The following MAMDC2 variants were observed in gnomAD, a reference collection of about 807,000 sequenced individuals.
The protein encoded by MAMDC2 is MAM domain-containing protein 2.
A neutral mutation model predicts 89.8 loss-of-function variants in MAMDC2; 57 were observed. The observed-to-expected ratio is 0.63, with a 90% CI of 0.51 to 0.79. The LOEUF (loss-of-function observed/expected upper bound fraction) is 0.79, where lower values mean the gene tolerates loss of function less well. Among genes scored for constraint, MAMDC2 ranks in the 30% least tolerant of loss-of-function variants. The probability of loss-of-function intolerance (pLI) is 0.00; values close to 1 mark genes in which losing one functional copy is unlikely to be tolerated. For synonymous variants in MAMDC2, 313 were observed against 293.4 expected (o/e 1.07, Z -0.68); for missense variants, 800 against 820.6 (o/e 0.97, Z 0.31).
At position 70,170,643 on chromosome 9, in the gene MAMDC2, C is replaced by T. The variant is rs2032312570; in HGVS notation, c.1651+12C>T. 6.4e-7 allele frequency: 1 copy of T among 1,570,972 alleles called. No individual in the cohort carries two copies. The highest frequency in any genetic ancestry group is 1.4e-5 in the African/African-American group (1 of 72,800). On this transcript the variant is annotated intron_variant, in intron 11 of 13. Coordinates refer to ENST00000377182, the MANE Select transcript of MAMDC2 (RefSeq NM_153267.5). ...CACTACTGGGGTAGGTGAGTTATGC[C>T]ACGTGGTGCTGTTTCCTAAGGAAAG...
chr9:70,111,991 C>G (rs1304223747), intron 4 of MAMDC2, among the ~76,000 whole-genome samples: 1 of 152,194 alleles, frequency 6.6e-6, no homozygotes. Context: ...GGCGACCTGG[C>G]TGGGAGACTG....
chr9:70,047,849 G>T (rs899617230), intron 2 of MAMDC2, among the ~76,000 whole-genome samples: 1 of 152,166 alleles, frequency 6.6e-6, no homozygotes, highest in African/African-American at 2.4e-5. Context: ...CCCCTTTGCT[G>T]CCTGAAATAG....
At chr9:70,170,389 G>C (rs2032301226) in intron 10 of MAMDC2, 90 bp from the exon 11 acceptor site, 7 of 1,444,296 alleles carry the variant, frequency 4.8e-6, no homozygotes, top group African/African-American at 1.4e-5. Context: ...CATATGGCCA[G>C]ACAACATTCA....
Position 70,170,640 on chromosome 9 carries a change from T to G in MAMDC2, c.1651+9T>G. 1 of 1,572,946 alleles carries G rather than the reference T, an allele frequency of 6.4e-7. No individual in the cohort carries two copies. Among genetic ancestry groups the G allele is most frequent in the Non-Finnish European group, 8.6e-7 (1 of 1,163,090 alleles). On this transcript the variant is annotated intron_variant, in intron 11 of 13. Coordinates refer to ENST00000377182, the MANE Select transcript of MAMDC2 (RefSeq NM_153267.5). Reference sequence around the variant, plus strand: ...TCACACTACTGGGGTAGGTGAGTTATGCCACGTGGTGCTGTTTCCTAAGGA... The same window carrying G: ...TCACACTACTGGGGTAGGTGAGTTAGGCCACGTGGTGCTGTTTCCTAAGGA...
At chr9:70,104,297 G>A (rs1828276648) in intron 2 of MAMDC2, among the ~76,000 whole-genome samples, 1 of 152,166 alleles carries the variant, frequency 6.6e-6, no homozygotes, top group Admixed American at 6.5e-5. Flanking sequence ...GCAATAACAA[G>A]TGTTGGTGAG....
intron 7 of MAMDC2, among the ~76,000 whole-genome samples, chr9:70,139,571 G>A (rs185205546): frequency 0.02 from 2,999 of 152,048 alleles, 41 homozygotes; most frequent in South Asian, 0.061. Context: ...GAATAGTGCC[G>A]CAATAAACAT....
intron 9 of MAMDC2, among the ~76,000 whole-genome samples, chr9:70,152,035 C>G (rs747174799): frequency 1.3e-5 from 2 of 152,146 alleles, no homozygotes; most frequent in South Asian, 4.1e-4. Context: ...CAGCAGCCCG[C>G]ACAGAACTGT....
intron 2 of MAMDC2, among the ~76,000 whole-genome samples, chr9:70,080,200 G>A (rs141048416): frequency 2.4e-4 from 37 of 152,196 alleles, no homozygotes; most frequent in Admixed American, 2.2e-3. Context: ...CCATCTCCTC[G>A]AGGTAGCTAA....
At chr9:70,131,715 C>A in intron 7 of MAMDC2, 103 bp downstream of exon 7, 2 of 833,196 alleles carry the variant, frequency 2.4e-6, no homozygotes, top group East Asian at 2.7e-5. Flanking sequence ...ATATCTTTCC[C>A]CTTCTGTCAT....
rs796494320 is a variant in MAMDC2, at chr9:70,075,139, A to G, written c.148+30442A>G. Among the ~76,000 whole-genome samples, 151 of 152,358 alleles carry G rather than the reference A, an allele frequency of 9.9e-4. 1 individual carries two copies. Among genetic ancestry groups the G allele is most frequent in the African/African-American group, 3.5e-3 (147 of 41,574 alleles). On this transcript the variant is annotated intron_variant, in intron 2 of 13. Transcript: ENST00000377182. Reference sequence around the variant, plus strand: ...AATAATACTATTAGCCCTAGTTTACAGACAAAACAACAGCACACAGAGATG... The same window carrying G: ...AATAATACTATTAGCCCTAGTTTACGGACAAAACAACAGCACACAGAGATG...
intron 2 of MAMDC2, among the ~76,000 whole-genome samples, chr9:70,107,291 C>G (rs1828367846): frequency 6.6e-6 from 1 of 151,992 alleles, no homozygotes; most frequent in Admixed American, 6.5e-5. Context: ...ATATCTTGTA[C>G]AGCCAGCAGA....
At chr9:70,147,281 A>G (rs2031435728) in intron 9 of MAMDC2, among the ~76,000 whole-genome samples, 1 of 150,064 alleles carries the variant, frequency 6.7e-6, no homozygotes, top group Admixed American at 6.7e-5. Flanking sequence ...ATAAATACAT[A>G]AATATTTAAA....
At chr9:70,146,493 A>G (rs190532787) in intron 9 of MAMDC2, among the ~76,000 whole-genome samples, 2 of 152,324 alleles carry the variant, frequency 1.3e-5, no homozygotes, top group Non-Finnish European at 2.9e-5. Context: ...TCCATCATAG[A>G]AGCATGCATT....
chr9:70,202,810 T>C, intron 11 of MAMDC2, among the ~76,000 whole-genome samples: 1 of 151,512 alleles, frequency 6.6e-6, no homozygotes, highest in East Asian at 1.9e-4. Context: ...CATTATGTAA[T>C]GGCCTTCTTT....
intron 9 of MAMDC2, among the ~76,000 whole-genome samples, chr9:70,160,263 C>T (rs188240757): frequency 5.0e-4 from 76 of 152,034 alleles, no homozygotes; most frequent in African/African-American, 1.8e-3. Context: ...CACCTGCCCT[C>T]TTGAGGAGTA....
At chr9:70,150,892 G>C (rs1359459560) in intron 9 of MAMDC2, among the ~76,000 whole-genome samples, 2 of 152,146 alleles carry the variant, frequency 1.3e-5, no homozygotes, top group Admixed American at 1.3e-4. Context: ...TTTGAAACAG[G>C]AATCAAATCT....
chr9:70,189,981 A>G (rs1390289642), intron 11 of MAMDC2, among the ~76,000 whole-genome samples: 1 of 152,086 alleles, frequency 6.6e-6, no homozygotes, highest in Non-Finnish European at 1.5e-5. Flanking sequence ...CTATGCATTG[A>G]GTCATCATTC....
In MAMDC2 at chr9:70,065,508, G is replaced by A. The variant is rs189512486; in HGVS notation, c.148+20811G>A. Among the ~76,000 whole-genome samples the A allele has an allele frequency of 6.2e-4, 93 of 150,868 alleles. 2 individuals carry two copies. The East Asian group carries it at 0.012, about 19-fold the overall frequency. ...TGGTGGCTTTGAAAAATCCTAATTG[G>A]AAAAATGATGTAATTTTCATCTAAG... On this transcript the variant is annotated intron_variant, in intron 2 of 13. Transcript: ENST00000377182.
At chr9:70,211,604 G>A (rs143230543) in intron 11 of MAMDC2, among the ~76,000 whole-genome samples, 198 of 151,818 alleles carry the variant, frequency 1.3e-3, no homozygotes, top group East Asian at 4.1e-3. Flanking sequence ...ATTACCGATC[G>A]TCTGAAGCCT....
Sources: gnomAD v4.1 joint callset for allele counts (sites outside exome capture counted in the v4.1 genomes callset) on GRCh38, gnomAD v4.1.1 for gene constraint, MANE v1.5 for transcripts, NCBI Gene and HGNC (gene_info 2026-07-23, HGNC 2026-07-21) for gene names.